Variants in SLCO5A1 observed in about 807,000 individuals in gnomAD.
The protein encoded by SLCO5A1 is organic anion transporter polypeptide-related protein 4.
SLCO5A1 carries 39 observed loss-of-function variants against 65.1 expected under a neutral mutation model. The ratio of observed to expected loss-of-function variants is 0.60; its 90% CI spans 0.46 to 0.78. The LOEUF (loss-of-function observed/expected upper bound fraction) is 0.78. Among genes scored for constraint, SLCO5A1 ranks in the 30% least tolerant of loss-of-function variants. The pLI is 0.00. For synonymous variants in SLCO5A1, 438 were observed against 415.7 expected, an observed-to-expected ratio of 1.05 and a Z score of -0.65; for missense variants, 1,029 against 1,069.4, an observed-to-expected ratio of 0.96 and a Z score of 0.53.
intron 2 of SLCO5A1, among the ~76,000 whole-genome samples, chr8:69,816,524 C>T (rs147348872): frequency 6.6e-6 from 1 of 152,330 alleles, no homozygotes; most frequent in African/African-American, 2.4e-5. Flanking sequence ...AGGGTGCAAG[C>T]ACTGGCTACT....
intron 4 of SLCO5A1, among the ~76,000 whole-genome samples, chr8:69,748,782 T>C (rs1359637866): frequency 6.6e-6 from 1 of 152,134 alleles, no homozygotes; most frequent in African/African-American, 2.4e-5. Flanking sequence ...TCTGGGAAAT[T>C]GTTAAAAAAT....
In SLCO5A1 at chr8:69,713,091, G is replaced by A. The variant is rs531624343; in HGVS notation, c.1424-7862C>T. On this transcript the variant is annotated intron_variant, in intron 5 of 9. Transcript: ENST00000260126. ...AAACTGCCAAGCCACCAAAGGAAAT[G>A]CAGAGTACGATATCAGTCTCTGAAA... is the stretch of plus-strand genomic sequence containing the variant. 6.6e-5 allele frequency among the ~76,000 whole-genome samples: 10 copies of A among 152,326 alleles called. No homozygotes were observed. In the East Asian group the frequency reaches 1.9e-3, roughly 29 times the overall value.
chr8:69,763,761 T>A (rs1817919948), intron 2 of SLCO5A1, among the ~76,000 whole-genome samples: 1 of 152,056 alleles, frequency 6.6e-6, no homozygotes, highest in Non-Finnish European at 1.5e-5. Flanking sequence ...TTGTCAATTT[T>A]AAAATTTTAA....
intron 2 of SLCO5A1, among the ~76,000 whole-genome samples, chr8:69,800,693 C>G (rs757890681): frequency 6.6e-6 from 1 of 152,188 alleles, no homozygotes; most frequent in African/African-American, 2.4e-5. Context: ...TTTATAATCA[C>G]GAAGGTTTAT....
chr8:69,776,156 C>T (rs973098497), intron 2 of SLCO5A1, among the ~76,000 whole-genome samples: 5 of 152,140 alleles, frequency 3.3e-5, no homozygotes, highest in East Asian at 1.9e-4. Flanking sequence ...CAAAGTCACA[C>T]GATCAAGCTT....
intron 6 of SLCO5A1, among the ~76,000 whole-genome samples, chr8:69,701,714 T>C (rs913442664): frequency 2.0e-5 from 3 of 152,164 alleles, no homozygotes; most frequent in Non-Finnish European, 2.9e-5. Context: ...TTGATTGAAG[T>C]CTCATTTCTC....
At chr8:69,722,694 A>AT (rs1158861855) in intron 5 of SLCO5A1, among the ~76,000 whole-genome samples, 1 of 151,148 alleles carries the variant, frequency 6.6e-6, no homozygotes, top group Non-Finnish European at 1.5e-5. Context: ...ACTCTTACTC[A>AT]TTTTTTCAGT....
At chr8:69,711,856 C>CCAT (rs766525677) in intron 5 of SLCO5A1, among the ~76,000 whole-genome samples, 1 of 152,024 alleles carries the variant, frequency 6.6e-6, no homozygotes, top group East Asian at 1.9e-4. Context: ...TAAATGCTGG[C>CCAT]CATCATCATC....
chr8:69,705,356 A>C, intron 5 of SLCO5A1, 127 bp from the exon 6 acceptor site: 1 of 716,670 alleles, frequency 1.4e-6, no homozygotes, highest in South Asian at 1.9e-5. Context: ...ATACATCTTC[A>C]TTGTGTGTGA....
intron 5 of SLCO5A1, among the ~76,000 whole-genome samples, chr8:69,728,349 T>C (rs187950674): frequency 6.6e-6 from 1 of 152,314 alleles, no homozygotes; most frequent in African/African-American, 2.4e-5. Context: ...GAGGCCTCTC[T>C]GAATGTACTT....
chr8:69,722,853 T>G (rs1254665110), intron 5 of SLCO5A1, among the ~76,000 whole-genome samples: 1 of 151,962 alleles, frequency 6.6e-6, no homozygotes, highest in African/African-American at 2.4e-5. Context: ...AATATATACA[T>G]ACATATGTAG....
intron 6 of SLCO5A1, among the ~76,000 whole-genome samples, chr8:69,702,880 A>T (rs988857144): frequency 1.3e-5 from 2 of 152,122 alleles, no homozygotes; most frequent in African/African-American, 4.8e-5. Context: ...AAGTGGGGGC[A>T]GGAGGATCAT....
At chr8:69,802,339 C>T (rs1015821574) in intron 2 of SLCO5A1, among the ~76,000 whole-genome samples, 1 of 151,210 alleles carries the variant, frequency 6.6e-6, no homozygotes, top group Non-Finnish European at 1.5e-5. Context: ...CTCATCTCTA[C>T]AAAAATAATG....
At chr8:69,732,204 T>C (rs1816365614) in intron 5 of SLCO5A1, among the ~76,000 whole-genome samples, 1 of 152,210 alleles carries the variant, frequency 6.6e-6, no homozygotes, top group Non-Finnish European at 1.5e-5. Context: ...TATTTGGTTA[T>C]TTAGACAACA....
At chr8:69,779,442 C>A (rs1818711058) in intron 2 of SLCO5A1, among the ~76,000 whole-genome samples, 1 of 152,078 alleles carries the variant, frequency 6.6e-6, no homozygotes, top group Admixed American at 6.5e-5. Context: ...CCAGAGCTGG[C>A]AGTATCTCAG....
At chr8:69,810,126 G>A (rs1288931900) in intron 2 of SLCO5A1, among the ~76,000 whole-genome samples, 1 of 152,216 alleles carries the variant, frequency 6.6e-6, no homozygotes, top group Non-Finnish European at 1.5e-5. Context: ...AGGCCCAGGT[G>A]GGGGTTCTGA....
chr8:69,830,753 A>T (rs1177900964), intron 2 of SLCO5A1, among the ~76,000 whole-genome samples: 1 of 152,120 alleles, frequency 6.6e-6, no homozygotes, highest in Non-Finnish European at 1.5e-5. Context: ...TACTTAACTC[A>T]AGCACCCCTG....
chr8:69,710,642 G>A (rs1815196699), intron 5 of SLCO5A1, among the ~76,000 whole-genome samples: 1 of 152,130 alleles, frequency 6.6e-6, no homozygotes, highest in Non-Finnish European at 1.5e-5. Context: ...TTATGGAGCC[G>A]CGGATACTGT....
Position 69,673,214 on chromosome 8 carries a change from A to C in SLCO5A1, c.2202T>G (p.Phe734Leu), listed in dbSNP as rs761664902. 11 of 1,614,218 alleles carry C rather than the reference A, an allele frequency of 6.8e-6. No individual in the cohort carries two copies. Among genetic ancestry groups the C allele is most frequent in the Non-Finnish European group, 9.3e-6 (11 of 1,180,040 alleles). ...GSCWEYNVTS[F>L]RFVYFGLAAG... ...CAGCCAAACCAAAATACACAAAACG[A>C]AACGACGTCACGTTGTACTCCCAGC... The change falls in exon 10 of 10, where the codon TTT becomes TTG. Residue 734 changes from phenylalanine (F) to leucine (L), a missense_variant. Physicochemically the swap from Phe to Leu is conservative, Grantham distance 22. Around this residue, in one of 3 missense-constraint regions of SLCO5A1, gnomAD observed 258 missense variants for 237.4 expected, o/e 1.09. Coordinates refer to ENST00000260126, the MANE Select transcript of SLCO5A1 (RefSeq NM_030958.3).
Sources: gnomAD v4.1 joint callset for allele counts (sites outside exome capture counted in the v4.1 genomes callset) on GRCh38, gnomAD v4.1.1 for gene constraint, gnomAD v4.1.1 regional missense constraint, MANE v1.5 for transcripts, NCBI Gene and HGNC (gene_info 2026-07-23, HGNC 2026-07-21) for gene names.